Variants in ATL2 observed in about 807,000 individuals in gnomAD.
The protein encoded by ATL2 is atlastin GTPase 2, also known as atlastin-2.
Under a neutral mutation model 73.9 loss-of-function variants are expected in ATL2, and 31 were observed. That is an observed-to-expected ratio of 0.42 (90% CI 0.32 to 0.57). The LOEUF (loss-of-function observed/expected upper bound fraction) is 0.57. ATL2 is among the 20% of genes least tolerant of loss of function. ATL2 has a pLI of 0.14. For missense variants in ATL2, 738 were observed against 702.6 expected, an observed-to-expected ratio of 1.05 and a Z score of -0.57; for synonymous variants, 291 against 237.5, an observed-to-expected ratio of 1.23 and a Z score of -2.07.
intron 1 of ATL2, among the ~76,000 whole-genome samples, chr2:38,363,125 G>A (rs1558454209): frequency 1.3e-5 from 2 of 152,154 alleles, no homozygotes; most frequent in Admixed American, 6.5e-5. Flanking sequence ...CCATAAAGGA[G>A]TACACTGAAG....
intron 2 of ATL2, among the ~76,000 whole-genome samples, chr2:38,322,243 G>A (rs6544158): frequency 6.6e-6 from 1 of 151,620 alleles, no homozygotes; most frequent in Non-Finnish European, 1.5e-5. Flanking sequence ...AAAGTTACAG[G>A]CTACACAAAT....
Position 38,295,000 on chromosome 2 carries a change from G to T in ATL2, c.*994C>A, listed in dbSNP as rs1292266042. On this transcript the variant is annotated 3_prime_UTR_variant, in exon 13 of 13. Transcript: ENST00000378954. ...ACATTCCCATTGAATTCCCTTGGTG[G>T]GCGGGGGGGGGGTGAGATTGCAGTG... 8.1e-6 allele frequency: 1 copy of T among 123,268 alleles called. No individual in the cohort carries two copies. Among genetic ancestry groups the T allele is most frequent in the African/African-American group, 3.4e-5 (1 of 29,292 alleles). 7.6% of individuals were successfully genotyped at this position (123,268 alleles called of 1,614,324 possible).
At chr2:38,370,150 C>CAAAAAAAAAAA (rs962952444) in intron 1 of ATL2, among the ~76,000 whole-genome samples, 1 of 43,916 alleles carries the variant, frequency 2.3e-5, no homozygotes, top group African/African-American at 1.1e-4. Flanking sequence ...GAGACTCCGT[C>CAAAAAAAAAAA]AAAAAAAAAA....
chr2:38,320,486 AT>A (rs1191608455), intron 2 of ATL2, among the ~76,000 whole-genome samples: 1 of 152,198 alleles, frequency 6.6e-6, no homozygotes, highest in East Asian at 1.9e-4. Context: ...TATGTTTAAA[AT>A]TTTCCATAAT....
chr2:38,360,259 C>CT (rs566192942), intron 1 of ATL2, among the ~76,000 whole-genome samples: 389 of 135,366 alleles, frequency 2.9e-3, no homozygotes, highest in South Asian at 5.0e-3. Context: ...TCAGGGGATT[C>CT]TTTTTTTTTT....
chr2:38,343,178 AGATATAGTTC>A, intron 2 of ATL2, 80 bp downstream of exon 2: 1 of 341,304 alleles, frequency 2.9e-6, no homozygotes, highest in Non-Finnish European at 5.1e-6. Context: ...AAAAAAAAAA[AGATATAGTTC>A]TGGTTTTTGT....
intron 12 of ATL2, among the ~76,000 whole-genome samples, chr2:38,297,580 C>T (rs946423222): frequency 6.6e-6 from 1 of 152,148 alleles, no homozygotes; most frequent in African/African-American, 2.4e-5. Context: ...GTTCTCTGTT[C>T]ATGGCGCTTT....
chr2:38,303,613 G>A (rs1667295564), intron 9 of ATL2, among the ~76,000 whole-genome samples: 1 of 152,094 alleles, frequency 6.6e-6, no homozygotes, highest in African/African-American at 2.4e-5. Flanking sequence ...ATGCCTACAA[G>A]ATCTAGAAAA....
intron 12 of ATL2, chr2:38,296,316 AC>A: frequency 6.9e-7 from 1 of 1,446,066 alleles, no homozygotes; most frequent in Non-Finnish European, 9.0e-7. Flanking sequence ...TCTTATTCAA[AC>A]CATTTACAAT....
chr2:38,365,991 C>T (rs1671308769), intron 1 of ATL2, among the ~76,000 whole-genome samples: 1 of 147,740 alleles, frequency 6.8e-6, no homozygotes, highest in Non-Finnish European at 1.5e-5. Flanking sequence ...AGACTTGGCT[C>T]AATACAGACA....
At chr2:38,319,053 A>T in intron 2 of ATL2, 34 bp from the exon 3 acceptor site, 1 of 1,587,480 alleles carries the variant, frequency 6.3e-7, no homozygotes, top group Non-Finnish European at 8.6e-7. Flanking sequence ...AAAATACAAC[A>T]CAATTAAGAA....
chr2:38,318,479 A>C, intron 4 of ATL2, 56 bp downstream of exon 4: 1 of 1,366,410 alleles, frequency 7.3e-7, no homozygotes, highest in Non-Finnish European at 1.0e-6. Flanking sequence ...AAAAGAAAAA[A>C]AAAAGGGGCC....
intron 2 of ATL2, among the ~76,000 whole-genome samples, chr2:38,332,381 A>G (rs931927625): frequency 5.3e-5 from 8 of 151,782 alleles, no homozygotes; most frequent in African/African-American, 1.9e-4. Context: ...TAATTTTTTG[A>G]TTTTTGTAGA....
intron 1 of ATL2, among the ~76,000 whole-genome samples, chr2:38,348,293 C>A (rs1238268370): frequency 2.6e-5 from 4 of 151,482 alleles, no homozygotes; most frequent in Admixed American, 1.3e-4. Flanking sequence ...ATGGAGAAAC[C>A]CCATCTCTAC....
chr2:38,296,251 C>CA, intron 12 of ATL2, 138 bp from the exon 13 acceptor site: 7 of 1,430,306 alleles, frequency 4.9e-6, no homozygotes, highest in Non-Finnish European at 6.4e-6. Flanking sequence ...ATGCTTCTCT[C>CA]AAAAAAACTT....
rs191956293 is a variant in ATL2, at chr2:38,316,714, A to G, written c.604-1380T>C. On this transcript the variant is annotated intron_variant, in intron 4 of 12. Coordinates refer to ENST00000378954, the MANE Select transcript of ATL2 (RefSeq NM_001135673.4). ...CACATCCAAGATAGGCAAGATGAGT[A>G]AAACTCATTTTACAGACAACAAAGT... 1.9e-3 allele frequency among the ~76,000 whole-genome samples: 286 copies of G among 152,334 alleles called. 1 individual carries two copies. Among genetic ancestry groups the G allele is most frequent in the Non-Finnish European group, 1.3e-3 (87 of 68,034 alleles).
chr2:38,355,488 G>C (rs752574590), intron 1 of ATL2, among the ~76,000 whole-genome samples: 1 of 151,962 alleles, frequency 6.6e-6, no homozygotes, highest in Non-Finnish European at 1.5e-5. Context: ...AAGTAAAAGG[G>C]GAAAAGGTAT....
At position 38,335,609 on chromosome 2, in the gene ATL2, G is replaced by A. The variant is rs549757955; in HGVS notation, c.363+7659C>T. Among the ~76,000 whole-genome samples the A allele has an allele frequency of 5.9e-5, 9 of 152,216 alleles. No individual in the cohort carries two copies. The East Asian group carries it at 1.5e-3, about 26-fold the overall frequency. On this transcript the variant is annotated intron_variant, in intron 2 of 12. Coordinates refer to ENST00000378954, the MANE Select transcript of ATL2 (RefSeq NM_001135673.4). ...CGGAGATAGCAGTAACTGGGAAGGG[G>A]AATTAGAGAGCCTCCTAGAATGCAG...
chr2:38,302,789 C>G (rs147906466), intron 9 of ATL2, among the ~76,000 whole-genome samples: 1 of 152,322 alleles, frequency 6.6e-6, no homozygotes, highest in Non-Finnish European at 1.5e-5. Context: ...GATACAGCTG[C>G]AGTGACCAAG....
Sources: allele counts gnomAD v4.1 joint callset (sites outside exome capture counted in the v4.1 genomes callset), GRCh38; gene constraint gnomAD v4.1.1; transcripts MANE v1.5; gene names NCBI Gene and HGNC (gene_info 2026-07-23, HGNC 2026-07-21).